RSPH14: variants seen among roughly 807,000 people sequenced by gnomAD.
The protein encoded by RSPH14 is radial spoke head 14 homolog, also known as rhabdoid tumor deletion region gene 1.
RSPH14 carries 20 observed loss-of-function variants against 26.7 expected under a neutral mutation model. That is an observed-to-expected ratio of 0.75 (90% CI 0.53 to 1.09). The LOEUF is 1.09. Among genes scored for constraint, RSPH14 ranks in the 50% least tolerant of loss-of-function variants. RSPH14 has a pLI of 0.00. For synonymous variants in RSPH14, 177 were observed against 189.3 expected, an observed-to-expected ratio of 0.93 and a Z score of 0.53; for missense variants, 449 against 457.2, an observed-to-expected ratio of 0.98 and a Z score of 0.16.
At chr22:23,169,098 C>A in the RSPH14 span, among the ~76,000 whole-genome samples, 1 of 152,202 alleles carries the variant, frequency 6.6e-6, no homozygotes, top group Non-Finnish European at 1.5e-5. Context: ...ATTGATTCTG[C>A]AGAAGGCAGT....
rs114722798 is a variant in RSPH14, at chr22:23,064,124, T to C, written c.431A>G (p.Glu144Gly). ...QLVQVPRGAQ[E>G]IISKGLISSL... is the part of the protein sequence containing the mutation. ...GGAAATCAGACCTTTGCTGATGATCTCTTGGGCCCCTACAAGGCAGGAAAG... is the reference window on the plus strand; with the variant it reads ...GGAAATCAGACCTTTGCTGATGATCCCTTGGGCCCCTACAAGGCAGGAAAG... The change falls in exon 5 of 7, where the codon GAG (glutamate) becomes GGG (glycine). Residue 144 changes from glutamate to glycine, a missense_variant. By Grantham distance (98) the Glu-to-Gly change is moderately conservative (BLOSUM62 -2). Coordinates refer to ENST00000216036, the MANE Select transcript of RSPH14 (RefSeq NM_014433.3). The C allele has an allele frequency of 4.8e-4, 775 of 1,614,104 alleles. 4 individuals are homozygous for C. In the African/African-American group the frequency reaches 9.0e-3, roughly 19 times the overall value.
the RSPH14 span, chr22:23,156,005 G>C: frequency 1.2e-6 from 2 of 1,612,640 alleles, no homozygotes; most frequent in Non-Finnish European, 8.5e-7. Context: ...CAAGTGCATC[G>C]CATCTGCCTA....
At chr22:23,062,208 G>A (rs1312320091) in intron 5 of RSPH14, among the ~76,000 whole-genome samples, 1 of 152,176 alleles carries the variant, frequency 6.6e-6, no homozygotes. Flanking sequence ...AAAGAAATAG[G>A]GCATGTTCTC....
At chr22:23,142,655 A>G (rs979664202), upstream of RSPH14, among the ~76,000 whole-genome samples, 2 of 152,206 alleles carry the variant, frequency 1.3e-5, no homozygotes, top group African/African-American at 4.8e-5. Flanking sequence ...CCCAAATTAC[A>G]TAGGCCTGAT....
chr22:23,103,371 C>T (rs547644570), intron 4 of RSPH14, among the ~76,000 whole-genome samples: 4 of 152,292 alleles, frequency 2.6e-5, no homozygotes, highest in South Asian at 2.1e-4. Flanking sequence ...GAGAGTCTGC[C>T]AGCCAGGCTC....
chr22:23,062,042 G>A, intron 5 of RSPH14, 97 bp from the exon 6 acceptor site: 1 of 1,451,188 alleles, frequency 6.9e-7, no homozygotes, highest in Admixed American at 1.9e-5. Flanking sequence ...AAATAATTGT[G>A]TGGGGGCTAC....
rs904414776 is a variant in RSPH14 at position 23,136,629 on chromosome 22, A to T, written c.302+2211T>A. Among the ~76,000 whole-genome samples, 4 of 138,812 alleles carry T rather than the reference A, an allele frequency of 2.9e-5. 1 individual carries two copies. The highest frequency in any genetic ancestry group is 6.4e-5 in the Non-Finnish European group (4 of 62,304). The allele number at this position is 138,812 out of a possible 152,430, so 91.1% of individuals were successfully genotyped here. A position where few individuals can be genotyped will look rare whatever the true frequency, so the allele number is the denominator to read the frequency against. ...ATCCTTACTACCATTCATTATAAGT[A>T]GGTTGATGCAAAAGTAATTGCGGTT... On this transcript the variant is annotated intron_variant, in intron 3 of 6. Coordinates refer to ENST00000216036, the MANE Select transcript of RSPH14 (RefSeq NM_014433.3).
intron 4 of RSPH14, among the ~76,000 whole-genome samples, 181 bp from the exon 5 acceptor site, chr22:23,064,314 C>A (rs1380039447): frequency 6.6e-6 from 1 of 152,254 alleles, no homozygotes; most frequent in Non-Finnish European, 1.5e-5. Context: ...GACCAGCAGG[C>A]AGCTGCAGTG....
At chr22:23,159,261 G>A in the RSPH14 span, 2 of 1,575,892 alleles carry the variant, frequency 1.3e-6, no homozygotes, top group Non-Finnish European at 1.7e-6. Flanking sequence ...CTGGTGAGTG[G>A]GCCAGGGCTG....
At chr22:23,152,389 G>A in the RSPH14 span, 2 of 1,503,644 alleles carry the variant, frequency 1.3e-6, no homozygotes, top group Non-Finnish European at 1.9e-6. Flanking sequence ...GCTCAGGGAA[G>A]GAAGGGGCTG....
the RSPH14 span, among the ~76,000 whole-genome samples, chr22:23,160,336 T>C: frequency 6.6e-6 from 1 of 152,096 alleles, no homozygotes; most frequent in Non-Finnish European, 1.5e-5. Flanking sequence ...CCCTATGCGG[T>C]TGTGCAGGTT....
At chr22:23,159,513 C>A in the RSPH14 span, among the ~76,000 whole-genome samples, 1 of 152,252 alleles carries the variant, frequency 6.6e-6, no homozygotes, top group Non-Finnish European at 1.5e-5. Context: ...CTGTGTCATG[C>A]CGTGCTGGCC....
the RSPH14 span, chr22:23,179,917 C>G: frequency 3.7e-6 from 1 of 267,972 alleles, no homozygotes; most frequent in Admixed American, 5.3e-5. Flanking sequence ...GAGGAACTTA[C>G]CTGCGTCTCC....
chr22:23,131,994 T>C (rs1461184678), intron 4 of RSPH14, among the ~76,000 whole-genome samples: 5 of 152,176 alleles, frequency 3.3e-5, no homozygotes, highest in African/African-American at 4.8e-5. Context: ...CTGTTGGGCC[T>C]GCCTATCTGC....
chr22:23,177,501 GGAACA>G, the RSPH14 span, among the ~76,000 whole-genome samples: 230 of 152,236 alleles, frequency 1.5e-3, 2 homozygotes, highest in Middle Eastern at 3.4e-3. Context: ...AGATCTAGTT[GGAACA>G]GACACTGAGT....
intron 4 of RSPH14, among the ~76,000 whole-genome samples, chr22:23,112,159 C>G (rs1462589126): frequency 6.6e-6 from 1 of 152,194 alleles, no homozygotes; most frequent in Non-Finnish European, 1.5e-5. Flanking sequence ...GCTGCCTGAC[C>G]TCCGGGCCTC....
the RSPH14 span, among the ~76,000 whole-genome samples, chr22:23,172,747 G>A: frequency 6.6e-6 from 1 of 151,280 alleles, no homozygotes; most frequent in Non-Finnish European, 1.5e-5. Context: ...TCAGGAGATC[G>A]AGACCATCCT....
intron 4 of RSPH14, among the ~76,000 whole-genome samples, chr22:23,076,245 C>T (rs999856684): frequency 6.6e-6 from 1 of 152,232 alleles, no homozygotes; most frequent in Non-Finnish European, 1.5e-5. Flanking sequence ...GCGTGACCTG[C>T]TCCCTATTTG....
chr22:23,156,447 C>A, the RSPH14 span: 1 of 165,952 alleles, frequency 6.0e-6, no homozygotes, highest in South Asian at 1.3e-4. Flanking sequence ...CTGGGAGGCC[C>A]CAGGTGGGGG....
Sources: allele counts gnomAD v4.1 joint callset (sites outside exome capture counted in the v4.1 genomes callset), GRCh38; gene constraint gnomAD v4.1.1; transcripts MANE v1.5; gene names NCBI Gene and HGNC (gene_info 2026-07-23, HGNC 2026-07-21).